Variants in GLRB observed in about 807,000 individuals in gnomAD.
The protein encoded by GLRB is glycine receptor subunit beta.
Under a neutral mutation model 54.2 loss-of-function variants are expected in GLRB, and 33 were observed. That is an observed-to-expected ratio of 0.61 (90% CI 0.46 to 0.81). The LOEUF (loss-of-function observed/expected upper bound fraction) is 0.81. GLRB is among the 40% of genes least tolerant of loss of function. The pLI is 0.00. For synonymous variants in GLRB, 209 were observed against 208.2 expected (o/e 1.00, Z -0.03); for missense variants, 572 against 584.6 (o/e 0.98, Z 0.22).
At chr4:157,134,506 A>T (rs1329402949) in intron 4 of GLRB, among the ~76,000 whole-genome samples, 1 of 152,086 alleles carries the variant, frequency 6.6e-6, no homozygotes, top group African/African-American at 2.4e-5. Context: ...TAAAAATAAA[A>T]ATCTAAAGTA....
chr4:157,166,614 T>C (rs1737718468), intron 9 of GLRB, among the ~76,000 whole-genome samples: 3 of 152,214 alleles, frequency 2.0e-5, no homozygotes, highest in Admixed American at 2.0e-4. Context: ...ACTTCTGTAA[T>C]AGAGGTTCCG....
At chr4:157,096,017 TG>T (rs1168969739) in intron 2 of GLRB, among the ~76,000 whole-genome samples, 1 of 152,146 alleles carries the variant, frequency 6.6e-6, no homozygotes. Flanking sequence ...GACTGCAGAA[TG>T]TCTGGGGCTG....
Position 157,145,558 on chromosome 4 carries a change from T to C in GLRB, c.904+1599T>C, listed in dbSNP as rs542065780. 3.7e-4 allele frequency among the ~76,000 whole-genome samples: 56 copies of C among 152,292 alleles called. 2 individuals carry two copies. In the South Asian group the frequency reaches 0.011, roughly 30 times the overall value. On this transcript the variant is annotated intron_variant, in intron 8 of 9. Transcript: ENST00000264428. ...CAAGTATTTGTTTTGTGTTATGTGTTAGGTACTATTAAAAAAGATGGGGAT... is the reference window on the plus strand; with the variant it reads ...CAAGTATTTGTTTTGTGTTATGTGTCAGGTACTATTAAAAAAGATGGGGAT...
chr4:157,131,557 A>G (rs1736216450), intron 4 of GLRB, among the ~76,000 whole-genome samples: 1 of 151,796 alleles, frequency 6.6e-6, no homozygotes, highest in Non-Finnish European at 1.5e-5. Context: ...TCACTGCCCT[A>G]AAAATCATCT....
Position 157,081,973 on chromosome 4 carries a change from G to A in GLRB, c.122+3827G>A, listed in dbSNP as rs527888037. On this transcript the variant is annotated intron_variant, in intron 2 of 9. Coordinates refer to ENST00000264428, the MANE Select transcript of GLRB (RefSeq NM_000824.5). ...CCCTGCCTCTGCCTAAGCCTCACAC[G>A]CATCAACTCTCATATACCCGTGCTC... Among the ~76,000 whole-genome samples the A allele has an allele frequency of 1.9e-3, 289 of 152,130 alleles. 1 individual carries two copies. Among genetic ancestry groups the A allele is most frequent in the African/African-American group, 6.4e-3 (264 of 41,506 alleles).
intron 2 of GLRB, among the ~76,000 whole-genome samples, chr4:157,117,948 G>A (rs2126523770): frequency 6.6e-6 from 1 of 151,778 alleles, no homozygotes; most frequent in South Asian, 2.1e-4. Context: ...TTGCATGGTT[G>A]ATGCAAGATT....
At chr4:157,127,587 G>A (rs1736060468) in intron 4 of GLRB, among the ~76,000 whole-genome samples, 1 of 151,802 alleles carries the variant, frequency 6.6e-6, no homozygotes, top group African/African-American at 2.4e-5. Flanking sequence ...TAAATATTTG[G>A]AGATCGGGGG....
intron 9 of GLRB, among the ~76,000 whole-genome samples, chr4:157,161,158 G>A (rs992117998): frequency 7.2e-5 from 11 of 152,106 alleles, no homozygotes; most frequent in Non-Finnish European, 5.9e-5. Flanking sequence ...TGCAACTTCT[G>A]CTTTTTTGGT....
At chr4:157,081,956 C>T (rs1308487142) in intron 2 of GLRB, among the ~76,000 whole-genome samples, 1 of 152,220 alleles carries the variant, frequency 6.6e-6, no homozygotes, top group Non-Finnish European at 1.5e-5. Context: ...ACCCCTGCCT[C>T]TGCCTAAGCC....
At position 157,111,942 on chromosome 4, in the gene GLRB, T is replaced by C. The variant is rs148015223; in HGVS notation, c.123-8614T>C. On this transcript the variant is annotated intron_variant, in intron 2 of 9. Transcript: ENST00000264428. The stretch of plus-strand genomic sequence containing the variant: ...CTCTTTCATGAAATATTCTTTTTTT[T>C]CCTTGAGTTCTGTTGGTGCCACACA... Among the ~76,000 whole-genome samples the C allele has an allele frequency of 5.3e-5, 8 of 152,144 alleles. No homozygotes were observed. The East Asian group carries it at 1.6e-3, about 30-fold the overall frequency.
chr4:157,102,364 C>G (rs542770459), intron 2 of GLRB, among the ~76,000 whole-genome samples: 1 of 152,276 alleles, frequency 6.6e-6, no homozygotes, highest in South Asian at 2.1e-4. Context: ...CCAGCCTCTG[C>G]AAACCACCAT....
chr4:157,092,743 C>T (rs1734663728), intron 2 of GLRB, among the ~76,000 whole-genome samples: 1 of 152,146 alleles, frequency 6.6e-6, no homozygotes, highest in African/African-American at 2.4e-5. Flanking sequence ...ATTCAGCGTT[C>T]ATATATAAAG....
chr4:157,084,233 T>C (rs1734326529), intron 2 of GLRB, among the ~76,000 whole-genome samples: 1 of 152,146 alleles, frequency 6.6e-6, no homozygotes. Context: ...TACTACATAT[T>C]TTTGCCACTA....
intron 2 of GLRB, among the ~76,000 whole-genome samples, chr4:157,113,230 A>G (rs1054450881): frequency 1.3e-5 from 2 of 151,928 alleles, no homozygotes; most frequent in Non-Finnish European, 2.9e-5. Flanking sequence ...AAAGCTAAGT[A>G]TCATCGCAGT....
At chr4:157,170,347 T>C in intron 9 of GLRB, 85 bp from the exon 10 acceptor site, 1 of 788,564 alleles carries the variant, frequency 1.3e-6, no homozygotes, top group South Asian at 1.6e-5. Flanking sequence ...TTGTAGAAAC[T>C]AGCAATTTTA....
intron 9 of GLRB, among the ~76,000 whole-genome samples, chr4:157,156,339 T>C (rs1737226172): frequency 6.6e-6 from 1 of 152,202 alleles, no homozygotes; most frequent in South Asian, 2.1e-4. Flanking sequence ...ATTGTTGGTG[T>C]ATAGCAGTAC....
At chr4:157,145,003 A>G (rs545483515) in intron 8 of GLRB, among the ~76,000 whole-genome samples, 3 of 152,336 alleles carry the variant, frequency 2.0e-5, no homozygotes, top group Non-Finnish European at 4.4e-5. Context: ...TATTATATTT[A>G]CTGGGAAAAT....
chr4:157,127,817 C>A lies in GLRB; in HGVS notation c.297+5420C>A, dbSNP rs113572888. 1.2e-3 allele frequency among the ~76,000 whole-genome samples: 179 copies of A among 151,952 alleles called. 1 individual carries two copies. The highest frequency in any genetic ancestry group is 4.1e-3 in the African/African-American group (172 of 41,506). ...TCCTCAGAGGCTTCAAAGGAACCAGCCCCTCAGACAGAACAATTGACTTCA... is the reference window on the plus strand; with the variant it reads ...TCCTCAGAGGCTTCAAAGGAACCAGACCCTCAGACAGAACAATTGACTTCA... On this transcript the variant is annotated intron_variant, in intron 4 of 9. Transcript: ENST00000264428.
intron 9 of GLRB, among the ~76,000 whole-genome samples, chr4:157,156,357 T>C (rs1737227154): frequency 6.6e-6 from 1 of 152,248 alleles, no homozygotes; most frequent in Non-Finnish European, 1.5e-5. Context: ...TACTACTGAT[T>C]TGTGTACATT....
Sources: gnomAD v4.1 joint callset for allele counts (sites outside exome capture counted in the v4.1 genomes callset) on GRCh38, gnomAD v4.1.1 for gene constraint, MANE v1.5 for transcripts, NCBI Gene and HGNC (gene_info 2026-07-23, HGNC 2026-07-21) for gene names.